The following ARHGEF10 variants were observed in gnomAD, a reference collection of about 807,000 sequenced individuals.
The protein encoded by ARHGEF10 is Rho guanine nucleotide exchange factor 10.
Under a neutral mutation model 147.4 loss-of-function variants are expected in ARHGEF10, and 140 were observed. The observed-to-expected ratio is 0.95, with a 90% CI of 0.83 to 1.09. The LOEUF is 1.09. Among genes scored for constraint, ARHGEF10 ranks in the 50% least tolerant of loss-of-function variants. ARHGEF10 has a pLI of 0.00. For synonymous variants in ARHGEF10, 902 were observed against 695.8 expected (o/e 1.30, Z -4.67); for missense variants, 2,222 against 1,752.7 (o/e 1.27, Z -4.78).
chr8:1,881,854 C>A (rs904117931), intron 9 of ARHGEF10, among the ~76,000 whole-genome samples: 1 of 152,304 alleles, frequency 6.6e-6, no homozygotes, highest in East Asian at 1.9e-4. Flanking sequence ...ATGGGGACAT[C>A]GGTTGTCCCA....
chr8:1,897,167 T>C (rs1316094938), intron 14 of ARHGEF10, among the ~76,000 whole-genome samples: 1 of 152,198 alleles, frequency 6.6e-6, no homozygotes, highest in South Asian at 2.1e-4. Context: ...ACTTGGACTG[T>C]TTCTTGGAAA....
At chr8:1,930,324 C>T (rs1658259882) in intron 25 of ARHGEF10, among the ~76,000 whole-genome samples, 1 of 152,082 alleles carries the variant, frequency 6.6e-6, no homozygotes, top group Non-Finnish European at 1.5e-5. Flanking sequence ...TTCTTGTACC[C>T]CGAGACCATG....
At chr8:1,876,106 T>C (rs1807675419) in intron 7 of ARHGEF10, 1 of 190,552 alleles carries the variant, frequency 5.2e-6, no homozygotes, top group Non-Finnish European at 1.1e-5. Flanking sequence ...TGAATATCTG[T>C]ATCATCCACC....
At chr8:1,851,636 G>A (rs908407064) in intron 2 of ARHGEF10, among the ~76,000 whole-genome samples, 4 of 152,176 alleles carry the variant, frequency 2.6e-5, no homozygotes, top group African/African-American at 4.8e-5. Flanking sequence ...AACTGGGGTG[G>A]GCACGTTGGC....
At chr8:1,881,571 G>GT (rs1808199007) in intron 9 of ARHGEF10, among the ~76,000 whole-genome samples, 1 of 146,444 alleles carries the variant, frequency 6.8e-6, no homozygotes, top group Non-Finnish European at 1.5e-5. Context: ...GAGCCCCCGG[G>GT]GGATGGGGGA....
At chr8:1,879,152 C>T (rs1807963875) in intron 8 of ARHGEF10, among the ~76,000 whole-genome samples, 1 of 152,202 alleles carries the variant, frequency 6.6e-6, no homozygotes, top group Non-Finnish European at 1.5e-5. Context: ...GTGTCTGTGA[C>T]ATGAGAAATG....
chr8:1,910,967 A>G, intron 18 of ARHGEF10, among the ~76,000 whole-genome samples: 1 of 152,188 alleles, frequency 6.6e-6, no homozygotes, highest in Non-Finnish European at 1.5e-5. Context: ...AGATTGATTC[A>G]GTTAGCAATG....
intron 15 of ARHGEF10, 70 bp downstream of exon 15, chr8:1,898,595 C>A (rs1810208591): frequency 9.5e-6 from 14 of 1,467,552 alleles, no homozygotes; most frequent in Non-Finnish European, 1.3e-5. Flanking sequence ...AAAATGGCGT[C>A]TGTTCCTCCA....
At chr8:1,934,271 T>G (rs1813387192) in intron 26 of ARHGEF10, among the ~76,000 whole-genome samples, 1 of 150,710 alleles carries the variant, frequency 6.6e-6, no homozygotes, top group African/African-American at 2.4e-5. Flanking sequence ...GGAGCATCAC[T>G]TGAGCCCAGG....
rs577872152 is a variant in ARHGEF10 at position 1,855,929 on chromosome 8, A to C, written c.38-2031A>C. Among the ~76,000 whole-genome samples, 6 of 151,234 alleles carry C rather than the reference A, an allele frequency of 4.0e-5. No individual in the cohort carries two copies. The East Asian group carries it at 9.7e-4, about 24-fold the overall frequency. On this transcript the variant is annotated intron_variant, in intron 2 of 28. Coordinates refer to ENST00000349830, the MANE Select transcript of ARHGEF10 (RefSeq NM_014629.4). ...ACTTAATGATATGGCAAAAAAAAAAACCCCTTCTGAAATAGGTTTTGTTTA... is the reference window on the plus strand; with the variant it reads ...ACTTAATGATATGGCAAAAAAAAAACCCCCTTCTGAAATAGGTTTTGTTTA...
chr8:1,923,938 G>C, intron 21 of ARHGEF10, 64 bp downstream of exon 21: 3 of 1,480,938 alleles, frequency 2.0e-6, no homozygotes, highest in Non-Finnish European at 2.8e-6. Flanking sequence ...CTGCCCACGA[G>C]GGTGAGGTCA....
intron 18 of ARHGEF10, among the ~76,000 whole-genome samples, chr8:1,921,262 A>AT (rs1242910387): frequency 6.6e-6 from 1 of 152,202 alleles, no homozygotes; most frequent in African/African-American, 2.4e-5. Context: ...TATAGTAAAT[A>AT]TTTTTAGATA....
chr8:1,930,569 C>A (rs2129228470), intron 25 of ARHGEF10, among the ~76,000 whole-genome samples: 1 of 142,992 alleles, frequency 7.0e-6, no homozygotes, highest in Non-Finnish European at 1.5e-5. Context: ...AGTCCTTGTT[C>A]CTTGCTCACA....
At chr8:1,889,936 G>GT (rs1207607942) in intron 11 of ARHGEF10, among the ~76,000 whole-genome samples, 1 of 128,602 alleles carries the variant, frequency 7.8e-6, no homozygotes. Context: ...TGGGGCGAGG[G>GT]TTGTGAGGAG....
intron 1 of ARHGEF10, among the ~76,000 whole-genome samples, chr8:1,830,822 A>G (rs916525219): frequency 6.6e-6 from 1 of 152,238 alleles, no homozygotes; most frequent in African/African-American, 2.4e-5. Context: ...GGGATTTGAA[A>G]TTGAATAGGA....
In ARHGEF10 at chr8:1,923,880, G is replaced by A; in HGVS notation, c.2488+6G>A. On this transcript the variant is annotated splice_donor_region_variant and intron_variant, in intron 21 of 28. Coordinates refer to ENST00000349830, the MANE Select transcript of ARHGEF10 (RefSeq NM_014629.4). ...GATGGCCAAGCTCGCCCTAGGTAAGGCCTGGCTGGCTGAGGCTGAATGAGG... is the reference window on the plus strand; with the variant it reads ...GATGGCCAAGCTCGCCCTAGGTAAGACCTGGCTGGCTGAGGCTGAATGAGG... 6.2e-7 allele frequency: 1 copy of A among 1,613,766 alleles called. No individual in the cohort carries two copies. Among genetic ancestry groups the A allele is most frequent in the African/African-American group, 1.3e-5 (1 of 75,032 alleles).
At chr8:1,908,891 A>C (rs1585495466) in intron 17 of ARHGEF10, among the ~76,000 whole-genome samples, 1 of 152,320 alleles carries the variant, frequency 6.6e-6, no homozygotes, top group Non-Finnish European at 1.5e-5. Context: ...GTGTAGCCAT[A>C]AAAGAATAAA....
chr8:1,893,911 C>A (rs908145768), intron 12 of ARHGEF10, among the ~76,000 whole-genome samples: 1 of 152,044 alleles, frequency 6.6e-6, no homozygotes, highest in Non-Finnish European at 1.5e-5. Flanking sequence ...CGGTGGCTCA[C>A]CCCTGTAATC....
chr8:1,913,521 C>T (rs13253227), intron 18 of ARHGEF10, among the ~76,000 whole-genome samples: 22,441 of 152,208 alleles, frequency 0.15, 1,767 homozygotes, highest in Middle Eastern at 0.17. Flanking sequence ...ATCTGTGTTC[C>T]TCGCTGTAAG....
Sources: gnomAD v4.1 joint callset for allele counts (sites outside exome capture counted in the v4.1 genomes callset) on GRCh38, gnomAD v4.1.1 for gene constraint, MANE v1.5 for transcripts, NCBI Gene and HGNC (gene_info 2026-07-23, HGNC 2026-07-21) for gene names.